OSBPL9: variants seen among roughly 807,000 people sequenced by gnomAD.
OSBPL9 encodes the protein oxysterol-binding protein-related protein 9.
In OSBPL9, 40 loss-of-function variants were observed where a neutral mutation model predicts 106.6. The observed-to-expected ratio is 0.38, with a 90% confidence interval of 0.29 to 0.49. The LOEUF is 0.49. Among genes scored for constraint, OSBPL9 ranks in the 20% least tolerant of loss-of-function variants. The pLI is 0.97. For missense variants in OSBPL9, 609 were observed against 887.2 expected (o/e 0.69, Z 3.98); for synonymous variants, 269 against 295.4 (o/e 0.91, Z 0.92).
upstream of OSBPL9, among the ~76,000 whole-genome samples, chr1:51,613,910 T>C (rs1644007024): frequency 6.6e-6 from 1 of 151,920 alleles, no homozygotes; most frequent in South Asian, 2.1e-4. Context: ...ACCTCACTAA[T>C]TTTTAAATTT....
At chr1:51,639,613 T>C (rs76253817) in intron 1 of OSBPL9, among the ~76,000 whole-genome samples, 80 of 152,228 alleles carry the variant, frequency 5.3e-4, no homozygotes, top group Middle Eastern at 3.4e-3. Flanking sequence ...ATAGAAATAA[T>C]AAGTGCCTTA....
chr1:51,777,026 C>A, intron 15 of OSBPL9, 108 bp downstream of exon 15: 1 of 870,898 alleles, frequency 1.1e-6, no homozygotes, highest in East Asian at 2.4e-5. Context: ...TCAAACATTT[C>A]TGGGTATTCT....
intron 1 of OSBPL9, among the ~76,000 whole-genome samples, chr1:51,642,231 G>A (rs543558165): frequency 9.2e-5 from 14 of 152,268 alleles, no homozygotes; most frequent in African/African-American, 2.6e-4. Context: ...CTGTACTTAC[G>A]TGTCTCCGTC....
intron 1 of OSBPL9, among the ~76,000 whole-genome samples, chr1:51,589,155 C>A (rs1372077170): frequency 1.3e-5 from 2 of 151,884 alleles, no homozygotes; most frequent in Non-Finnish European, 2.9e-5. Context: ...GTGGCACGAT[C>A]TCAACTCACT....
chr1:51,784,506 G>A lies in OSBPL9; in HGVS notation c.1753G>A (p.Gly585Ser), dbSNP rs1157836443. The stretch of plus-strand genomic sequence containing the variant: ...ATGCAATATTAATTGTTCCAAAACA[G>A]GCTATAGTGCAAATATCATCTTCCA... Reference protein sequence around the residue: ...GECNINCSKTGYSANIIFHTK... With the variant: ...GECNINCSKTSYSANIIFHTK... The change falls in exon 20 of 24, where the codon GGC (glycine) becomes AGC (serine). Residue 585 changes from glycine (G) to serine (S), a missense_variant. Transcript: ENST00000428468. 6.2e-7 allele frequency: 1 copy of A among 1,613,484 alleles called. No homozygotes were observed. Among genetic ancestry groups the A allele is most frequent in the African/African-American group, 1.3e-5 (1 of 74,904 alleles).
At chr1:51,764,566 G>GT in intron 11 of OSBPL9, among the ~76,000 whole-genome samples, 1 of 150,514 alleles carries the variant, frequency 6.6e-6, no homozygotes. Context: ...CAAAAAATCC[G>GT]TAAGTGACTC....
the OSBPL9 span, among the ~76,000 whole-genome samples, chr1:51,520,175 G>A: frequency 6.6e-6 from 1 of 152,144 alleles, no homozygotes; most frequent in African/African-American, 2.4e-5. Context: ...TAGATTAAGA[G>A]CTCCTCAATG....
chr1:51,525,600 C>T, the OSBPL9 span, among the ~76,000 whole-genome samples: 75 of 152,222 alleles, frequency 4.9e-4, no homozygotes, highest in African/African-American at 1.4e-3. Context: ...AAAGTTCTGT[C>T]GGCTCGATCT....
chr1:51,760,927 C>A (rs1356041235), intron 10 of OSBPL9, 147 bp downstream of exon 10: 3 of 852,810 alleles, frequency 3.5e-6, no homozygotes, highest in Non-Finnish European at 5.3e-6. Flanking sequence ...CAAAAGTGAA[C>A]TGAAAAAAGA....
At position 51,781,299 on chromosome 1, in the gene OSBPL9, T is replaced by C; in HGVS notation, c.1392T>C (p.Cys464=). The change falls in exon 16 of 24, where the codon TGT becomes TGC. Residue 464 remains cysteine, a synonymous_variant. Coordinates refer to ENST00000428468, the MANE Select transcript of OSBPL9 (RefSeq NM_024586.6). ...CCATTTTGGGCGAGATTTTTCAGTG[T>C]CATTGGACATTACCAAATGATACTG... is the stretch of plus-strand genomic sequence containing the variant. ...YNPILGEIFQ[C]HWTLPNDTEE... 1 of 1,614,238 alleles carries C rather than the reference T, an allele frequency of 6.2e-7. No individual in the cohort carries two copies. The highest frequency in any genetic ancestry group is 1.1e-5 in the South Asian group (1 of 91,080).
upstream of OSBPL9, among the ~76,000 whole-genome samples, chr1:51,575,865 C>T (rs1465367059): frequency 2.0e-5 from 3 of 151,232 alleles, no homozygotes; most frequent in Admixed American, 2.0e-4. Flanking sequence ...TTTTTATTAT[C>T]AAAGACAGGA....
intron 3 of OSBPL9, among the ~76,000 whole-genome samples, chr1:51,673,884 A>G (rs1650530272): frequency 6.8e-6 from 1 of 147,846 alleles, no homozygotes; most frequent in African/African-American, 2.4e-5. Flanking sequence ...CTGTCTCTAA[A>G]AAAGTTTTTT....
the OSBPL9 span, among the ~76,000 whole-genome samples, chr1:51,547,255 T>C: frequency 1.3e-5 from 2 of 152,326 alleles, no homozygotes; most frequent in East Asian, 1.9e-4. Context: ...GGTTATCATA[T>C]GGAGAGGAGA....
chr1:51,742,779 G>A (rs1667201491), intron 4 of OSBPL9, among the ~76,000 whole-genome samples: 1 of 152,050 alleles, frequency 6.6e-6, no homozygotes, highest in Non-Finnish European at 1.5e-5. Context: ...GGATTAATAT[G>A]AATAAGTGTT....
At chr1:51,568,605 C>G in the OSBPL9 span, among the ~76,000 whole-genome samples, 1 of 152,176 alleles carries the variant, frequency 6.6e-6, no homozygotes, top group Non-Finnish European at 1.5e-5. Context: ...CCCAGGCTGT[C>G]GCCCAGGCTG....
intron 1 of OSBPL9, among the ~76,000 whole-genome samples, chr1:51,593,031 G>T (rs1192414863): frequency 1.3e-5 from 2 of 152,114 alleles, no homozygotes; most frequent in African/African-American, 4.8e-5. Flanking sequence ...ACCTATCCTT[G>T]GAAAAGGATT....
intron 14 of OSBPL9, 129 bp downstream of exon 14, chr1:51,772,852 T>A (rs1557850291): frequency 1.4e-6 from 1 of 719,692 alleles, no homozygotes; most frequent in Non-Finnish European, 2.5e-6. Flanking sequence ...TGTGATTTAA[T>A]ATAGATGTAG....
At chr1:51,533,260 T>A in the OSBPL9 span, among the ~76,000 whole-genome samples, 2 of 151,978 alleles carry the variant, frequency 1.3e-5, no homozygotes, top group Non-Finnish European at 2.9e-5. Flanking sequence ...GGTGGGTGGA[T>A]TGGCTGAGCT....
intron 3 of OSBPL9, among the ~76,000 whole-genome samples, chr1:51,698,431 T>C (rs1358260441): frequency 6.6e-6 from 1 of 152,174 alleles, no homozygotes; most frequent in African/African-American, 2.4e-5. Flanking sequence ...GAGCAAGCAC[T>C]CTTTTATGAA....
Sources: gnomAD v4.1 joint callset for allele counts (sites outside exome capture counted in the v4.1 genomes callset) on GRCh38, gnomAD v4.1.1 for gene constraint, MANE v1.5 for transcripts, NCBI Gene and HGNC (gene_info 2026-07-23, HGNC 2026-07-21) for gene names.